LARP4B: variants seen among roughly 807,000 people sequenced by gnomAD.
The protein encoded by LARP4B is La ribonucleoprotein 4B.
LARP4B carries 12 observed loss-of-function variants against 89.8 expected under a neutral mutation model. The observed-to-expected ratio is 0.13, with a 90% CI of 0.09 to 0.22. The LOEUF (loss-of-function observed/expected upper bound fraction) is 0.22, where lower values mean the gene tolerates loss of function less well. Ranked by LOEUF, LARP4B falls within the 10% of genes least tolerant of loss-of-function variation. The pLI, the probability that LARP4B is intolerant of heterozygous loss-of-function variation, is 1.00. For missense variants in LARP4B, 757 were observed against 947.7 expected, an observed-to-expected ratio of 0.80 and a Z score of 2.64; for synonymous variants, 367 against 363.3, an observed-to-expected ratio of 1.01 and a Z score of -0.12.
At chr10:887,432 A>G (rs1329833021) in intron 1 of LARP4B, among the ~76,000 whole-genome samples, 1 of 151,512 alleles carries the variant, frequency 6.6e-6, no homozygotes, top group Admixed American at 6.6e-5. Context: ...AAAAAAGGTC[A>G]GATGTGGTGG....
At chr10:957,710 C>T in the LARP4B span, among the ~76,000 whole-genome samples, 2 of 151,534 alleles carry the variant, frequency 1.3e-5, no homozygotes, top group African/African-American at 4.9e-5. Context: ...CTAAGCTTTG[C>T]GGGGTATGAT....
At chr10:885,787 G>A in intron 1 of LARP4B, 27 bp from the exon 2 acceptor site, 1 of 1,238,740 alleles carries the variant, frequency 8.1e-7, no homozygotes, top group South Asian at 1.2e-5. Flanking sequence ...ACATTAAACA[G>A]GTCATTTGAA....
intron 1 of LARP4B, among the ~76,000 whole-genome samples, 183 bp from the exon 2 acceptor site, chr10:885,943 A>G (rs1835844770): frequency 6.6e-6 from 1 of 152,234 alleles, no homozygotes; most frequent in Non-Finnish European, 1.5e-5. Flanking sequence ...TTTTTAAATA[A>G]GTAAGTTTCT....
chr10:850,731 CTT>C (rs1323499932), intron 5 of LARP4B, among the ~76,000 whole-genome samples: 19 of 152,020 alleles, frequency 1.2e-4, no homozygotes, highest in African/African-American at 4.4e-4. Context: ...TAAAATAAGA[CTT>C]AATATATTTA....
At chr10:961,604 C>T in the LARP4B span, among the ~76,000 whole-genome samples, 18 of 137,532 alleles carry the variant, frequency 1.3e-4, no homozygotes, top group Admixed American at 4.8e-4. Flanking sequence ...CCACTCATGG[C>T]GGCGTGGTGC....
At chr10:882,097 G>A (rs373040085) in intron 3 of LARP4B, among the ~76,000 whole-genome samples, 2 of 151,228 alleles carry the variant, frequency 1.3e-5, no homozygotes, top group East Asian at 1.9e-4. Flanking sequence ...AACTATAAGT[G>A]GGCCTGGGGG....
Position 900,420 on chromosome 10 carries a change from CTTTTTTTTT to C in LARP4B, c.-39-14669_-39-14661del, listed in dbSNP as rs529963345. ...ATTCTAGGATCGGAAAGAAGGATGT[CTTTTTTTTT>C]TTTTTTTTTTTTTTTTTTTTTTTTG... On this transcript the variant is annotated intron_variant, in intron 1 of 17. Coordinates refer to ENST00000316157, the MANE Select transcript of LARP4B (RefSeq NM_015155.3). Among the ~76,000 whole-genome samples, 44 of 45,242 alleles carry C rather than the reference CTTTTTTTTT, an allele frequency of 9.7e-4. No homozygotes were observed. The South Asian group carries it at 9.8e-3, about 10-fold the overall frequency. The allele number at this position is 45,242 out of a possible 152,430, so 29.7% of individuals were successfully genotyped here.
At chr10:888,539 A>T (rs553779381) in intron 1 of LARP4B, among the ~76,000 whole-genome samples, 1 of 152,340 alleles carries the variant, frequency 6.6e-6, no homozygotes, top group East Asian at 1.9e-4. Context: ...CCACAGGCAC[A>T]AACAAGTGTT....
chr10:851,595 TAC>T (rs2131779532), intron 5 of LARP4B, among the ~76,000 whole-genome samples: 1 of 152,284 alleles, frequency 6.6e-6, no homozygotes, highest in Non-Finnish European at 1.5e-5. Flanking sequence ...GTAACATGAC[TAC>T]AGATTTCACA....
At chr10:908,717 C>T (rs754678132) in intron 1 of LARP4B, among the ~76,000 whole-genome samples, 3 of 152,212 alleles carry the variant, frequency 2.0e-5, no homozygotes, top group Admixed American at 6.5e-5. Context: ...GGAGAAAAAC[C>T]GCTTTTTCTT....
At chr10:844,100 G>A (rs1833659514) in intron 6 of LARP4B, among the ~76,000 whole-genome samples, 1 of 152,240 alleles carries the variant, frequency 6.6e-6, no homozygotes, top group South Asian at 2.1e-4. Flanking sequence ...GAAGGCCCAT[G>A]ACTGCCGATC....
chr10:906,987 C>T (rs1215032838), intron 1 of LARP4B, among the ~76,000 whole-genome samples: 1 of 152,220 alleles, frequency 6.6e-6, no homozygotes, highest in Non-Finnish European at 1.5e-5. Flanking sequence ...GCAACTGAAA[C>T]CTTCTGACAG....
chr10:839,344 T>C (rs1330519864), intron 7 of LARP4B, among the ~76,000 whole-genome samples: 1 of 152,234 alleles, frequency 6.6e-6, no homozygotes, highest in Non-Finnish European at 1.5e-5. Context: ...GAAGAGGCCA[T>C]GCATGTGTAC....
downstream of LARP4B, chr10:807,449 G>C (rs944549899): frequency 6.6e-6 from 1 of 152,316 alleles, no homozygotes; most frequent in Non-Finnish European, 1.5e-5. Flanking sequence ...ACGCAGAGGT[G>C]AATGAATTTG....
At chr10:837,401 C>G (rs1210435390) in intron 7 of LARP4B, among the ~76,000 whole-genome samples, 1 of 152,128 alleles carries the variant, frequency 6.6e-6, no homozygotes, top group African/African-American at 2.4e-5. Context: ...GAATTCTTCT[C>G]GAGTGAATTT....
At chr10:923,090 C>T (rs1488012112) in intron 1 of LARP4B, among the ~76,000 whole-genome samples, 9 of 151,924 alleles carry the variant, frequency 5.9e-5, no homozygotes, top group African/African-American at 2.2e-4. Context: ...AAAAACAAAT[C>T]ATGCCAGACA....
chr10:903,157 C>T (rs1350727348), intron 1 of LARP4B: 1 of 152,400 alleles, frequency 6.6e-6, no homozygotes, highest in East Asian at 1.9e-4. Flanking sequence ...GAAGCCTCTC[C>T]TGACTTGCAA....
At chr10:911,681 C>G (rs564546022) in intron 1 of LARP4B, among the ~76,000 whole-genome samples, 3 of 152,274 alleles carry the variant, frequency 2.0e-5, no homozygotes, top group East Asian at 3.9e-4. Context: ...ACACTCACCC[C>G]CTTCTGGAAG....
At chr10:949,157 G>A in the LARP4B span, among the ~76,000 whole-genome samples, 3 of 151,042 alleles carry the variant, frequency 2.0e-5, no homozygotes, top group Admixed American at 2.0e-4. Flanking sequence ...TTCCCAGGCG[G>A]CTCTACCATC....
Sources: gnomAD v4.1 joint callset for allele counts (sites outside exome capture counted in the v4.1 genomes callset) on GRCh38, gnomAD v4.1.1 for gene constraint, MANE v1.5 for transcripts, NCBI Gene and HGNC (gene_info 2026-07-23, HGNC 2026-07-21) for gene names.